Variants in SLC16A14 observed in about 807,000 individuals in gnomAD.
SLC16A14 encodes the protein monocarboxylate transporter 14.
Under a neutral mutation model 35.8 loss-of-function variants are expected in SLC16A14, and 14 were observed. That is an observed-to-expected ratio of 0.39 (90% CI 0.26 to 0.61). SLC16A14 has a LOEUF of 0.61. SLC16A14 is among the 20% of genes least tolerant of loss of function. The pLI, the probability that SLC16A14 is intolerant of heterozygous loss-of-function variation, is 0.51. For synonymous variants in SLC16A14, 248 were observed against 258.9 expected (o/e 0.96, Z 0.40); for missense variants, 533 against 655.0 (o/e 0.81, Z 2.03).
chr2:230,054,442 G>A (rs1320261225), intron 2 of SLC16A14, among the ~76,000 whole-genome samples: 1 of 152,166 alleles, frequency 6.6e-6, no homozygotes, highest in Non-Finnish European at 1.5e-5. Context: ...ATGTAAAAGT[G>A]CTGATTTACT....
intron 4 of SLC16A14, among the ~76,000 whole-genome samples, chr2:230,043,136 C>T (rs539870822): frequency 6.0e-4 from 92 of 152,290 alleles, no homozygotes; most frequent in Non-Finnish European, 1.1e-3. Context: ...ATAGTTTGCT[C>T]CGTTGCTATA....
intron 3 of SLC16A14, among the ~76,000 whole-genome samples, chr2:230,047,162 T>C (rs1262076172): frequency 1.3e-5 from 2 of 152,132 alleles, no homozygotes; most frequent in African/African-American, 4.8e-5. Context: ...GCACTATGTG[T>C]CCAGAGACCC....
chr2:230,056,516 G>A (rs934819083), intron 2 of SLC16A14, among the ~76,000 whole-genome samples: 15 of 151,968 alleles, frequency 9.9e-5, no homozygotes, highest in South Asian at 2.1e-4. Context: ...TCAGCCTCCC[G>A]AAGTGCTGGG....
At chr2:230,050,384 A>ATGT (rs1228471442) in intron 2 of SLC16A14, among the ~76,000 whole-genome samples, 5 of 152,246 alleles carry the variant, frequency 3.3e-5, no homozygotes, top group Non-Finnish European at 7.3e-5. Context: ...AGTTTGCTGC[A>ATGT]GTCTCTATCC....
rs892447428 is a variant in SLC16A14, at chr2:230,046,855, C to T, written c.404-133G>A. 2.5e-5 allele frequency: 27 copies of T among 1,088,548 alleles called. No individual in the cohort carries two copies. The highest frequency in any genetic ancestry group is 3.8e-5 in the South Asian group (2 of 52,826). The allele number at this position is 1,088,548 out of a possible 1,614,324, so 67.4% of individuals were successfully genotyped here. A position where few individuals can be genotyped will look rare whatever the true frequency, so the allele number is the denominator to read the frequency against. On this transcript the variant is annotated intron_variant, in intron 3 of 4. Coordinates refer to ENST00000295190, the MANE Select transcript of SLC16A14 (RefSeq NM_152527.5). The surrounding 1 kb of genome is among the most constrained non-coding windows in gnomAD (Gnocchi z 5.0). ...CTTTTTATTTCTAACAAAGCAATAA[C>T]ACTGATTATTTAAAAAGCAGCTCCC...
intron 4 of SLC16A14, among the ~76,000 whole-genome samples, chr2:230,039,538 A>G (rs958491560): frequency 6.6e-6 from 1 of 152,238 alleles, no homozygotes; most frequent in African/African-American, 2.4e-5. Context: ...GCAACTGTGG[A>G]CCATTGTGAA....
chr2:230,037,379 A>G lies in SLC16A14; in HGVS notation c.*1T>C. ...AAACCTACACGGAACATTACATGATACTAAACATGTGCACCATCCATGTAT... is the reference window on the plus strand; with the variant it reads ...AAACCTACACGGAACATTACATGATGCTAAACATGTGCACCATCCATGTAT... On this transcript the variant is annotated 3_prime_UTR_variant, in exon 5 of 5. Transcript: ENST00000295190. The G allele has an allele frequency of 6.3e-7, 1 of 1,599,270 alleles. No homozygotes were observed. The highest frequency in any genetic ancestry group is 8.5e-7 in the Non-Finnish European group (1 of 1,175,432).
chr2:230,066,661 G>C, intron 1 of SLC16A14: 1 of 418,516 alleles, frequency 2.4e-6, no homozygotes. Flanking sequence ...TTTTGACAGA[G>C]TATGGCTTTG....
intron 1 of SLC16A14, among the ~76,000 whole-genome samples, chr2:230,063,468 T>G (rs1317463689): frequency 6.6e-6 from 1 of 152,086 alleles, no homozygotes; most frequent in African/African-American, 2.4e-5. Context: ...TAATTTATAA[T>G]AGTGAAACCC....
In SLC16A14 at chr2:230,059,205, A is replaced by G; in HGVS notation, c.148T>C (p.Ser50Pro). Residue 50 changes from serine (S) to proline (P), a missense_variant, in exon 2 of 5, where the codon TCC becomes CCC. Transcript: ENST00000295190. The part of the protein sequence containing the change: ...SFFVHILIMG[S>P]QMALGVLNVE... ...TTGAGGACACCCAGGGCCATCTGGG[A>G]GCCCATGATGAGGATGTGCACAAAG... 1.2e-6 allele frequency: 2 copies of G among 1,614,190 alleles called. No individual in the cohort carries two copies. The highest frequency in any genetic ancestry group is 8.5e-7 in the Non-Finnish European group (1 of 1,180,044).
At chr2:230,060,269 G>C (rs1439309110) in intron 1 of SLC16A14, among the ~76,000 whole-genome samples, 2 of 152,158 alleles carry the variant, frequency 1.3e-5, no homozygotes, top group Non-Finnish European at 2.9e-5. Context: ...TGGGTACTTT[G>C]CATAGATCTA....
rs368778810 is a variant in SLC16A14, at chr2:230,059,145, C to T, written c.208G>A (p.Gly70Ser). The change falls in exon 2 of 5, where the codon GGC (glycine) becomes AGC (serine). Residue 70 changes from glycine (G) to serine (S), a missense_variant. By Grantham distance (56) the Gly-to-Ser change is moderately conservative. Coordinates refer to ENST00000295190, the MANE Select transcript of SLC16A14 (RefSeq NM_152527.5). ...AGGGAGCTGACCCAGGCGGTCAGGC[C>T]GCGGCTCTGGTGGAATTCTTCCAGC... ...EWLEEFHQSR[G>S]LTAWVSSLSM... 4.7e-5 allele frequency: 76 copies of T among 1,613,980 alleles called. No homozygotes were observed. The highest frequency in any genetic ancestry group is 5.9e-5 in the Non-Finnish European group (70 of 1,180,026).
intron 4 of SLC16A14, among the ~76,000 whole-genome samples, chr2:230,043,988 G>C (rs1191857246): frequency 6.6e-6 from 1 of 152,202 alleles, no homozygotes; most frequent in Non-Finnish European, 1.5e-5. Context: ...GCCAACTAGT[G>C]GCCTCCGGGC....
chr2:230,066,762 G>A (rs1266309587), intron 1 of SLC16A14: 3 of 367,844 alleles, frequency 8.2e-6, no homozygotes, highest in Non-Finnish European at 1.6e-5. Flanking sequence ...AGCCTCCCGA[G>A]TAGCTGGGAC....
At chr2:230,049,327 A>G (rs1261941318) in intron 3 of SLC16A14, among the ~76,000 whole-genome samples, 1 of 149,946 alleles carries the variant, frequency 6.7e-6, no homozygotes, top group African/African-American at 2.5e-5. Flanking sequence ...TGATCTGCCC[A>G]CCTTGGCCTT....
Position 230,046,008 on chromosome 2 carries a change from A to G in SLC16A14, c.1118T>C (p.Ile373Thr), listed in dbSNP as rs376467906. 5.6e-6 allele frequency: 9 copies of G among 1,613,888 alleles called. No individual in the cohort carries two copies. In the African/African-American group the frequency reaches 1.1e-4, roughly 19 times the overall value. Residue 373 changes from isoleucine to threonine, a missense_variant, in exon 4 of 5, where the codon ATA becomes ACA. Coordinates refer to ENST00000295190, the MANE Select transcript of SLC16A14 (RefSeq NM_152527.5). The surrounding 1 kb of genome is among the most constrained non-coding windows in gnomAD (Gnocchi z 5.0). ...HIFGKVILGV[I>T]ADLPCISVWN... ...AACACTAATGCAAGGCAAGTCGGCT[A>G]TGACGCCCAGGATCACTTTTCCAAA...
chr2:230,052,160 C>T (rs920132746), intron 2 of SLC16A14, among the ~76,000 whole-genome samples: 3 of 152,058 alleles, frequency 2.0e-5, no homozygotes, highest in African/African-American at 7.2e-5. Flanking sequence ...TGGTCTCGAT[C>T]TCCTGACCTC....
chr2:230,065,504 C>G (rs1255281752), intron 1 of SLC16A14, among the ~76,000 whole-genome samples: 2 of 152,310 alleles, frequency 1.3e-5, no homozygotes, highest in Non-Finnish European at 2.9e-5. Context: ...ATCCACCTGC[C>G]TTGGCCTCTC....
intron 1 of SLC16A14, chr2:230,066,867 T>A: frequency 4.1e-6 from 1 of 242,724 alleles, no homozygotes; most frequent in South Asian, 3.9e-5. Context: ...CCTCAGATGA[T>A]CCACCCGCCT....
Sources: allele counts gnomAD v4.1 joint callset (sites outside exome capture counted in the v4.1 genomes callset), GRCh38; gene constraint gnomAD v4.1.1; non-coding constraint Gnocchi (gnomAD v3.1); transcripts MANE v1.5; gene names NCBI Gene and HGNC (gene_info 2026-07-23, HGNC 2026-07-21).